The following TNKS variants were observed in gnomAD, a reference collection of about 807,000 sequenced individuals.
TNKS encodes the protein tankyrase.
Under a neutral mutation model 135.8 loss-of-function variants are expected in TNKS, and 72 were observed. The observed-to-expected ratio is 0.53, with a 90% CI of 0.44 to 0.64. TNKS has a LOEUF of 0.64. TNKS is among the 30% of genes least tolerant of loss of function. The pLI is 0.00. For synonymous variants in TNKS, 849 were observed against 649.3 expected (o/e 1.31, Z -4.68); for missense variants, 1,769 against 1,674.0 (o/e 1.06, Z -0.99).
intron 13 of TNKS, among the ~76,000 whole-genome samples, chr8:9,729,629 T>G (rs1805327634): frequency 6.6e-6 from 1 of 152,152 alleles, no homozygotes; most frequent in Non-Finnish European, 1.5e-5. Context: ...TTACCAACTG[T>G]TTGACAAGGA....
chr8:9,588,510 T>A (rs1798473959), intron 2 of TNKS, among the ~76,000 whole-genome samples: 1 of 152,210 alleles, frequency 6.6e-6, no homozygotes, highest in Admixed American at 6.5e-5. Context: ...TCTCCTGACC[T>A]CGTGATCCGC....
At chr8:9,717,569 A>G (rs578153076) in intron 11 of TNKS, among the ~76,000 whole-genome samples, 1 of 152,272 alleles carries the variant, frequency 6.6e-6, no homozygotes, top group South Asian at 2.1e-4. Flanking sequence ...CAGTATGTCA[A>G]AAGTAGTATT....
intron 18 of TNKS, among the ~76,000 whole-genome samples, chr8:9,749,849 A>G (rs568677518): frequency 6.6e-6 from 1 of 152,288 alleles, no homozygotes; most frequent in East Asian, 1.9e-4. Flanking sequence ...TCATATTTAC[A>G]GCCAAGTGGC....
chr8:9,595,049 A>G (rs1798724390), intron 2 of TNKS, among the ~76,000 whole-genome samples: 1 of 152,158 alleles, frequency 6.6e-6, no homozygotes, highest in Admixed American at 6.6e-5. Context: ...TGTTTCATTA[A>G]TGTCTTTCCT....
At chr8:9,770,619 C>A (rs118060498) in intron 26 of TNKS, among the ~76,000 whole-genome samples, 1 of 152,072 alleles carries the variant, frequency 6.6e-6, no homozygotes, top group African/African-American at 2.4e-5. Flanking sequence ...GATGTACATG[C>A]CACAGGATTT....
At chr8:9,720,212 T>C (rs1012263657) in intron 11 of TNKS, among the ~76,000 whole-genome samples, 162 bp from the exon 12 acceptor site, 1 of 152,174 alleles carries the variant, frequency 6.6e-6, no homozygotes, top group Non-Finnish European at 1.5e-5. Context: ...AAAAAGAAGA[T>C]AGTTCTTCAG....
chr8:9,555,969 T>C lies in TNKS; in HGVS notation c.30T>C (p.His10=), dbSNP rs777173849. ...CGGCGTCGCGTCGCTCTCAGCATCA[T>C]CACCACCATCATCAACAACAGCTCC... The part of the protein sequence containing the change: MAASRRSQH[H]HHHHQQQLQP... The change falls in exon 1 of 27, where the codon CAT becomes CAC. Residue 10 remains histidine, a synonymous_variant. Transcript: ENST00000310430. The C allele has an allele frequency of 3.7e-6, 6 of 1,613,368 alleles. No homozygotes were observed. Among genetic ancestry groups the C allele is most frequent in the Non-Finnish European group, 2.5e-6 (3 of 1,179,824 alleles).
chr8:9,743,939 G>C (rs1256688586), intron 17 of TNKS, among the ~76,000 whole-genome samples: 1 of 152,132 alleles, frequency 6.6e-6, no homozygotes, highest in Non-Finnish European at 1.5e-5. Context: ...ATAATAATCT[G>C]AGGTAGCTGT....
intron 18 of TNKS, 35 bp downstream of exon 18, chr8:9,748,247 T>C (rs1806338133): frequency 1.4e-6 from 2 of 1,418,704 alleles, no homozygotes; most frequent in Non-Finnish European, 1.9e-6. Flanking sequence ...TTATTGTTCC[T>C]TCTACTTTCA....
chr8:9,606,667 C>CA (rs1799233005), intron 2 of TNKS, among the ~76,000 whole-genome samples: 1 of 152,128 alleles, frequency 6.6e-6, no homozygotes, highest in African/African-American at 2.4e-5. Context: ...CTAACCCTAA[C>CA]ACATCTGGGA....
chr8:9,618,792 A>G (rs1323686945), intron 3 of TNKS, among the ~76,000 whole-genome samples: 2 of 152,242 alleles, frequency 1.3e-5, no homozygotes, highest in East Asian at 1.9e-4. Flanking sequence ...CTACTTAGAG[A>G]TAACATTTTG....
rs556581608 is a variant in TNKS at position 9,722,008 on chromosome 8, G to A, written c.1921+1463G>A. ...ACGGAGGTTGCAGTGAGCCAAGATCGCGCCACTGCACTCCATCCAGCCTGG... is the reference window on the plus strand; with the variant it reads ...ACGGAGGTTGCAGTGAGCCAAGATCACGCCACTGCACTCCATCCAGCCTGG... On this transcript the variant is annotated intron_variant, in intron 12 of 26. Transcript: ENST00000310430. 6.7e-5 allele frequency among the ~76,000 whole-genome samples: 10 copies of A among 150,030 alleles called. 1 individual carries two copies. In the South Asian group the frequency reaches 1.5e-3, roughly 22 times the overall value.
intron 14 of TNKS, among the ~76,000 whole-genome samples, chr8:9,732,676 T>A (rs1805503494): frequency 6.6e-6 from 1 of 152,208 alleles, no homozygotes; most frequent in Non-Finnish European, 1.5e-5. Flanking sequence ...GGGAGCATCT[T>A]TTTGTCCTTT....
chr8:9,637,042 A>G (rs1800539153), intron 3 of TNKS, among the ~76,000 whole-genome samples: 1 of 152,212 alleles, frequency 6.6e-6, no homozygotes, highest in South Asian at 2.1e-4. Context: ...GCTTGAGTGG[A>G]CATGCAGAAG....
In TNKS at chr8:9,765,895, T is replaced by G. The variant is rs140901769; in HGVS notation, c.3553+98T>G. ...TTAAATTGACTATAATACGGTTGTG[T>G]TAAAAACGGCTTGTTTTGATTATTT... On this transcript the variant is annotated intron_variant, in intron 24 of 26. Transcript: ENST00000310430. The G allele has an allele frequency of 8.5e-3, 8,339 of 983,978 alleles. 76 individuals carry two copies. The highest frequency in any genetic ancestry group is 0.024 in the South Asian group (1,517 of 63,112). The allele number at this position is 983,978 out of a possible 1,614,324, so 61.0% of individuals were successfully genotyped here.
At chr8:9,679,386 A>C (rs538351234) in intron 3 of TNKS, among the ~76,000 whole-genome samples, 2 of 152,164 alleles carry the variant, frequency 1.3e-5, no homozygotes, top group East Asian at 3.8e-4. Flanking sequence ...ACGTATTTCT[A>C]GTCTACAGAC....
At chr8:9,583,915 A>G (rs1798266435) in intron 2 of TNKS, among the ~76,000 whole-genome samples, 1 of 151,892 alleles carries the variant, frequency 6.6e-6, no homozygotes, top group African/African-American at 2.4e-5. Context: ...CTGTAATCCC[A>G]GTACTTTGGG....
chr8:9,653,569 C>G (rs2128782296), intron 3 of TNKS, among the ~76,000 whole-genome samples: 1 of 151,890 alleles, frequency 6.6e-6, no homozygotes, highest in East Asian at 2.0e-4. Context: ...GAGGCAACCA[C>G]ACTTTATAAC....
intron 3 of TNKS, among the ~76,000 whole-genome samples, chr8:9,652,435 T>C (rs1007389699): frequency 6.6e-6 from 1 of 152,232 alleles, no homozygotes; most frequent in African/African-American, 2.4e-5. Flanking sequence ...ATTAATGTGG[T>C]AAATCAATTT....
Sources: gnomAD v4.1 joint callset for allele counts (sites outside exome capture counted in the v4.1 genomes callset) on GRCh38, gnomAD v4.1.1 for gene constraint, MANE v1.5 for transcripts, NCBI Gene and HGNC (gene_info 2026-07-23, HGNC 2026-07-21) for gene names.